The following CEP128 variants were observed in gnomAD, a reference collection of about 807,000 sequenced individuals.
CEP128 encodes the protein centrosomal protein 128kDa.
A neutral mutation model predicts 156.7 loss-of-function variants in CEP128; 132 were observed. The ratio of observed to expected loss-of-function variants is 0.84; its 90% CI spans 0.73 to 0.97. The LOEUF (loss-of-function observed/expected upper bound fraction) is 0.97. CEP128 is among the 50% of genes least tolerant of loss of function. The pLI is 0.00. For missense variants in CEP128, 1,252 were observed against 1,281.9 expected (o/e 0.98, Z 0.36); for synonymous variants, 469 against 448.9 (o/e 1.04, Z -0.57).
chr14:80,805,335 A>T (rs966235917), intron 13 of CEP128, among the ~76,000 whole-genome samples: 1 of 152,114 alleles, frequency 6.6e-6, no homozygotes, highest in Non-Finnish European at 1.5e-5. Context: ...GCTACTAGTC[A>T]TACAGACATT....
chr14:80,818,431 G>A (rs923494967), intron 13 of CEP128, among the ~76,000 whole-genome samples: 1 of 152,224 alleles, frequency 6.6e-6, no homozygotes, highest in African/African-American at 2.4e-5. Context: ...AGCCTTACAA[G>A]GAATACCAAA....
chr14:80,746,443 T>C (rs1260135615), intron 18 of CEP128, among the ~76,000 whole-genome samples: 1 of 152,110 alleles, frequency 6.6e-6, no homozygotes, highest in Admixed American at 6.6e-5. Context: ...CATATATAAA[T>C]GTCAATTGAT....
At chr14:80,820,024 T>C (rs528453666) in intron 13 of CEP128, among the ~76,000 whole-genome samples, 7 of 152,142 alleles carry the variant, frequency 4.6e-5, no homozygotes, top group Non-Finnish European at 7.4e-5. Flanking sequence ...ATTTTAAAAA[T>C]GTGTCTACTA....
At chr14:80,617,608 A>T (rs1246466420) in intron 19 of CEP128, among the ~76,000 whole-genome samples, 2 of 152,282 alleles carry the variant, frequency 1.3e-5, no homozygotes, top group East Asian at 3.9e-4. Context: ...TGTTGTAAGC[A>T]TTAAGTGGAA....
chr14:80,682,946 C>A (rs72690948), intron 19 of CEP128, among the ~76,000 whole-genome samples: 65 of 152,158 alleles, frequency 4.3e-4, no homozygotes, highest in Non-Finnish European at 8.4e-4. Flanking sequence ...GGAGGGAGTT[C>A]TAAACATGGA....
At chr14:80,763,679 T>G (rs1367491439) in intron 16 of CEP128, among the ~76,000 whole-genome samples, 1 of 152,158 alleles carries the variant, frequency 6.6e-6, no homozygotes, top group Admixed American at 6.5e-5. Flanking sequence ...TGTGAACCTA[T>G]CTCCCCAAAT....
At chr14:80,904,333 G>A (rs1167480545) in intron 6 of CEP128, among the ~76,000 whole-genome samples, 28 of 152,068 alleles carry the variant, frequency 1.8e-4, no homozygotes, top group Admixed American at 1.8e-3. Flanking sequence ...ACCAGAGGGT[G>A]GCGGGGAGAG....
intron 19 of CEP128, among the ~76,000 whole-genome samples, chr14:80,729,045 C>T (rs1202865481): frequency 8.4e-6 from 1 of 118,920 alleles, no homozygotes; most frequent in African/African-American, 3.1e-5. Context: ...TAGTCCCAGG[C>T]TGGGCTGGTG....
chr14:80,952,394 A>G (rs1161015887), intron 2 of CEP128, among the ~76,000 whole-genome samples: 1 of 152,178 alleles, frequency 6.6e-6, no homozygotes, highest in Admixed American at 6.5e-5. Flanking sequence ...ACTAAACCAC[A>G]TGCTTCTAAA....
At chr14:80,641,342 T>C (rs1354185618) in intron 19 of CEP128, among the ~76,000 whole-genome samples, 2 of 152,236 alleles carry the variant, frequency 1.3e-5, no homozygotes, top group South Asian at 2.1e-4. Flanking sequence ...GACTTCTTGA[T>C]GTTCAAGGGC....
chr14:80,915,880 C>T (rs1024583219), intron 3 of CEP128, among the ~76,000 whole-genome samples: 1 of 152,208 alleles, frequency 6.6e-6, no homozygotes, highest in African/African-American at 2.4e-5. Context: ...CAAAGATATC[C>T]AAGTCCTAAT....
At chr14:80,608,431 A>G (rs557992916) in intron 19 of CEP128, among the ~76,000 whole-genome samples, 2 of 152,248 alleles carry the variant, frequency 1.3e-5, no homozygotes, top group Admixed American at 1.3e-4. Flanking sequence ...AACACAGACA[A>G]CATCTCATTT....
intron 14 of CEP128, among the ~76,000 whole-genome samples, chr14:80,479,339 A>G: frequency 6.6e-6 from 1 of 152,222 alleles, no homozygotes; most frequent in East Asian, 1.9e-4. Flanking sequence ...GCTGATGAAG[A>G]CACACCTGAA....
chr14:80,737,385 C>T (rs1273847017), intron 19 of CEP128, among the ~76,000 whole-genome samples: 1 of 151,088 alleles, frequency 6.6e-6, no homozygotes, highest in Non-Finnish European at 1.5e-5. Flanking sequence ...GCCTGGGCGA[C>T]AGAGCAAGAC....
chr14:80,772,648 AC>A (rs1162669450), intron 16 of CEP128, among the ~76,000 whole-genome samples: 1 of 152,086 alleles, frequency 6.6e-6, no homozygotes, highest in African/African-American at 2.4e-5. Context: ...AGTCACAGAC[AC>A]CCACGCCTGG....
intron 13 of CEP128, among the ~76,000 whole-genome samples, chr14:80,809,121 T>C (rs1884358298): frequency 6.7e-6 from 1 of 149,670 alleles, no homozygotes; most frequent in South Asian, 2.1e-4. Context: ...TAGAAGGAAG[T>C]CAGAAAAACA....
At chr14:80,597,043 G>A (rs1164360382) in intron 19 of CEP128, among the ~76,000 whole-genome samples, 1 of 150,574 alleles carries the variant, frequency 6.6e-6, no homozygotes, top group Non-Finnish European at 1.5e-5. Flanking sequence ...GCAAGCAGAA[G>A]TAATAAAGAT....
chr14:80,519,826 G>A (rs2140243294), intron 23 of CEP128, among the ~76,000 whole-genome samples: 1 of 151,348 alleles, frequency 6.6e-6, no homozygotes, highest in South Asian at 2.1e-4. Context: ...ATTTAGCACT[G>A]TGCCATCTAC....
chr14:80,870,295 A>G (rs183185283), intron 8 of CEP128, among the ~76,000 whole-genome samples: 6 of 152,204 alleles, frequency 3.9e-5, no homozygotes, highest in Non-Finnish European at 5.9e-5. Flanking sequence ...AAAAAAGATA[A>G]TTACAAGCCA....
Sources: gnomAD v4.1 joint callset for allele counts (sites outside exome capture counted in the v4.1 genomes callset) on GRCh38, gnomAD v4.1.1 for gene constraint, MANE v1.5 for transcripts, NCBI Gene and HGNC (gene_info 2026-07-23, HGNC 2026-07-21) for gene names.